The following BRWD1 variants were observed in gnomAD, a reference collection of about 807,000 sequenced individuals.
The protein encoded by BRWD1 is bromodomain and WD repeat domain containing 1.
In BRWD1, 82 loss-of-function variants were observed where a neutral mutation model predicts 251.2. That is an observed-to-expected ratio of 0.33 (90% confidence interval 0.27 to 0.39). The LOEUF is 0.39. Among genes scored for constraint, BRWD1 ranks in the 10% least tolerant of loss-of-function variants. BRWD1 has a pLI of 1.00. For synonymous variants in BRWD1, 918 were observed against 902.8 expected (o/e 1.02, Z -0.30); for missense variants, 2,233 against 2,711.6 (o/e 0.82, Z 3.92).
chr21:39,206,185 A>C lies in BRWD1; in HGVS notation c.4287T>G (p.Asn1429Lys), dbSNP rs753484614. Reference protein sequence around the residue: ...SSDFKIGQKFNEKLRRSQRFK... With the variant: ...SSDFKIGQKFKEKLRRSQRFK... ...ACCTCTGGCTTCTTCGAAGTTTTTC[A>C]TTGAATTTTTGACCAATTTTAAAAT... The change falls in exon 37 of 41, where the codon AAT becomes AAG. Residue 1429 changes from asparagine to lysine, a missense_variant. By Grantham distance (94) the Asn-to-Lys change is moderately conservative. Around this residue, in one of 12 missense-constraint regions of BRWD1, gnomAD observed 928 missense variants for 970.0 expected, o/e 0.96. Coordinates refer to ENST00000342449, the MANE Select transcript of BRWD1 (RefSeq NM_033656.4). 1 of 1,613,536 alleles carries C rather than the reference A, an allele frequency of 6.2e-7. No homozygotes were observed.
chr21:39,258,816 A>G, intron 17 of BRWD1, 144 bp from the exon 18 acceptor site: 1 of 524,214 alleles, frequency 1.9e-6, no homozygotes, highest in Non-Finnish European at 3.1e-6. Context: ...TACTCTACAT[A>G]TTCACCAAGA....
intron 4 of BRWD1, among the ~76,000 whole-genome samples, chr21:39,300,400 C>T (rs1192839907): frequency 6.6e-6 from 1 of 152,152 alleles, no homozygotes; most frequent in East Asian, 1.9e-4. Context: ...AGAAAAAGAT[C>T]TCACAAAGTT....
chr21:39,314,904 T>A (rs74678891), upstream of BRWD1: 677 of 153,264 alleles, frequency 4.4e-3, 4 homozygotes, highest in Non-Finnish European at 7.7e-3. Context: ...ACAGATAATA[T>A]TTGTGCCTGT....
intron 4 of BRWD1, among the ~76,000 whole-genome samples, chr21:39,309,897 C>G (rs906502184): frequency 2.0e-5 from 3 of 151,014 alleles, no homozygotes; most frequent in African/African-American, 7.3e-5. Flanking sequence ...GATATTGGCA[C>G]TTGATGATAT....
intron 4 of BRWD1, among the ~76,000 whole-genome samples, chr21:39,303,437 T>G (rs9975119): frequency 0.6 from 89,150 of 147,890 alleles, 26,888 homozygotes; most frequent in Admixed American, 0.67. Context: ...GAGAATCGCT[T>G]GAGCCCAGGA....
At chr21:39,315,329 A>G (rs1006114029), upstream of BRWD1, among the ~76,000 whole-genome samples, 1 of 151,848 alleles carries the variant, frequency 6.6e-6, no homozygotes, top group African/African-American at 2.4e-5. Flanking sequence ...ATATTTATAA[A>G]TGGACATAGA....
chr21:39,258,894 A>G (rs2034648522), intron 17 of BRWD1, among the ~76,000 whole-genome samples: 1 of 152,146 alleles, frequency 6.6e-6, no homozygotes, highest in Non-Finnish European at 1.5e-5. Flanking sequence ...AAAAACCTGA[A>G]AGCAGCCTCT....
chr21:39,306,058 T>C (rs1239612309), intron 4 of BRWD1, among the ~76,000 whole-genome samples: 3 of 150,954 alleles, frequency 2.0e-5, no homozygotes, highest in Admixed American at 6.6e-5. Flanking sequence ...TTGAGACTAG[T>C]TATCTTTAAG....
In BRWD1 at chr21:39,305,121, G is replaced by A. The variant is rs547764213; in HGVS notation, c.199-6539C>T. 3.4e-3 allele frequency among the ~76,000 whole-genome samples: 512 copies of A among 152,060 alleles called. 1 individual carries two copies. Among genetic ancestry groups the A allele is most frequent in the Non-Finnish European group, 5.6e-3 (381 of 67,960 alleles). On this transcript the variant is annotated intron_variant, in intron 4 of 40. Transcript: ENST00000342449. ...ACTACAGGCATGTACCACCATGCCTGGCTAATTTTTCTATTTATAGTAGAG... is the reference window on the plus strand; with the variant it reads ...ACTACAGGCATGTACCACCATGCCTAGCTAATTTTTCTATTTATAGTAGAG...
intron 22 of BRWD1, among the ~76,000 whole-genome samples, chr21:39,238,003 T>A (rs1249588545): frequency 6.6e-6 from 1 of 152,032 alleles, no homozygotes; most frequent in Non-Finnish European, 1.5e-5. Context: ...GAGAATTTTC[T>A]AGCCATGTTA....
chr21:39,282,354 A>G lies in BRWD1; in HGVS notation c.832-2106T>C, dbSNP rs560463686. 5.8e-4 allele frequency among the ~76,000 whole-genome samples: 88 copies of G among 152,142 alleles called. 1 individual carries two copies. Among genetic ancestry groups the G allele is most frequent in the African/African-American group, 1.8e-3 (74 of 41,540 alleles). ...AAGCAAAGTAAGGAAGAAATTATGG[A>G]TTTTTTTTAATGTTGAAAGTGATTG... is the stretch of plus-strand genomic sequence containing the variant. On this transcript the variant is annotated intron_variant, in intron 8 of 40. Transcript: ENST00000342449.
At chr21:39,207,414 G>A (rs1172415927) in intron 36 of BRWD1, among the ~76,000 whole-genome samples, 9 of 137,486 alleles carry the variant, frequency 6.5e-5, no homozygotes, top group African/African-American at 2.5e-4. Context: ...GGGCAACAGA[G>A]TGAGACAGGC....
intron 17 of BRWD1, among the ~76,000 whole-genome samples, chr21:39,263,049 C>CA (rs1196687588): frequency 6.6e-6 from 1 of 151,934 alleles, no homozygotes; most frequent in African/African-American, 2.4e-5. Context: ...CTCCTGCAGT[C>CA]AGCCAAGATC....
intron 4 of BRWD1, chr21:39,312,635 C>T: frequency 2.5e-6 from 1 of 395,822 alleles, no homozygotes; most frequent in East Asian, 4.4e-5. Context: ...CCCCGCGCCG[C>T]CCCCAATGAC....
In BRWD1 at chr21:39,264,661, T is replaced by C. The variant is rs1053961830; in HGVS notation, c.1684A>G (p.Thr562Ala). Residue 562 changes from threonine to alanine, a missense_variant, in exon 17 of 41, where the codon ACT becomes GCT. Around this residue, in one of 12 missense-constraint regions of BRWD1, gnomAD observed 315 missense variants for 421.8 expected, o/e 0.75. Coordinates refer to ENST00000342449, the MANE Select transcript of BRWD1 (RefSeq NM_033656.4). ...EKIPDQMFFHTDYRPLIRDSN... is the reference protein window; with the variant it reads ...EKIPDQMFFHADYRPLIRDSN... ...TCTCTAATAAGTGGTCGATAGTCAG[T>C]ATGGAAGAACATCTGATCAGGAATC... 6.2e-7 allele frequency: 1 copy of C among 1,609,266 alleles called. No homozygotes were observed. The highest frequency in any genetic ancestry group is 8.5e-7 in the Non-Finnish European group (1 of 1,177,638).
At chr21:39,205,648 T>C (rs1163644756) in intron 37 of BRWD1, among the ~76,000 whole-genome samples, 1 of 152,148 alleles carries the variant, frequency 6.6e-6, no homozygotes, top group African/African-American at 2.4e-5. Flanking sequence ...AGCATGTACC[T>C]GTAGTCCCAA....
intron 39 of BRWD1, 73 bp downstream of exon 39, chr21:39,200,146 G>A (rs2234543): frequency 0.32 from 443,306 of 1,365,360 alleles, 76,407 homozygotes; most frequent in Non-Finnish European, 0.36. Flanking sequence ...GCATTAAATC[G>A]AGAATCTATT....
Position 39,185,981 on chromosome 21 carries a change from G to A in BRWD1, c.*10278C>T, listed in dbSNP as rs1464529346. 2 of 152,034 alleles carry A rather than the reference G, an allele frequency of 1.3e-5. No individual in the cohort carries two copies. Among genetic ancestry groups the A allele is most frequent in the Non-Finnish European group, 2.9e-5 (2 of 67,976 alleles). 9.4% of individuals were successfully genotyped at this position (152,034 alleles called of 1,614,324 possible). ...TAAATACACTTCTTTGTTATACCAC[G>A]ACCAAATTTTCTAATCCTAGTACAG... On this transcript the variant is annotated 3_prime_UTR_variant, in exon 41 of 41. Transcript: ENST00000342449.
chr21:39,319,170 C>G (rs980602886), intron 1 of BRWD1, among the ~76,000 whole-genome samples: 1 of 152,200 alleles, frequency 6.6e-6, no homozygotes, highest in Non-Finnish European at 1.5e-5. Flanking sequence ...TGCCCTTCCT[C>G]CACCTACTAG....
Sources: allele counts gnomAD v4.1 joint callset (sites outside exome capture counted in the v4.1 genomes callset), GRCh38; gene constraint gnomAD v4.1.1; regional missense constraint gnomAD v4.1.1; transcripts MANE v1.5; gene names NCBI Gene and HGNC (gene_info 2026-07-23, HGNC 2026-07-21).